Variants in MTR observed in about 807,000 individuals in gnomAD.
The protein encoded by MTR is 5-methyltetrahydrofolate-homocysteine methyltransferase.
A neutral mutation model predicts 154.8 loss-of-function variants in MTR; 84 were observed. The observed-to-expected ratio is 0.54, with a 90% confidence interval of 0.45 to 0.65. MTR has a LOEUF of 0.65. Ranked by LOEUF, MTR falls within the 30% of genes least tolerant of loss-of-function variation. MTR has a pLI of 0.00. For synonymous variants in MTR, 554 were observed against 553.9 expected (o/e 1.00, Z 0.00); for missense variants, 1,275 against 1,570.2 (o/e 0.81, Z 3.18).
chr1:236,820,607 T>G, intron 8 of MTR: 1 of 547,220 alleles, frequency 1.8e-6, no homozygotes, highest in Non-Finnish European at 3.2e-6. Context: ...AAAAAAAAGT[T>G]TCCGTAAACA....
rs1666738360 is a variant in MTR at position 236,897,625 on chromosome 1, T to C, written c.3779T>C (p.Leu1260Ser). 6.2e-7 allele frequency: 1 copy of C among 1,613,700 alleles called. No homozygotes were observed. Among genetic ancestry groups the C allele is most frequent in the Non-Finnish European group, 8.5e-7 (1 of 1,179,768 alleles). ...GTTGAGAAATGGCTTGGACCCATTTTGGGATATGATACAGACTAACTTTTT... is the reference window on the plus strand; with the variant it reads ...GTTGAGAAATGGCTTGGACCCATTTCGGGATATGATACAGACTAACTTTTT... ...AEVEKWLGPI[L>S]GYDTD The change falls in exon 33 of 33, where the codon TTG becomes TCG. Residue 1260 changes from leucine to serine, a missense_variant. By Grantham distance (145) the Leu-to-Ser change is moderately radical. Transcript: ENST00000366577.
At chr1:236,811,481 C>T (rs1661300009) in intron 5 of MTR, among the ~76,000 whole-genome samples, 1 of 152,170 alleles carries the variant, frequency 6.6e-6, no homozygotes, top group Admixed American at 6.5e-5. Flanking sequence ...GCTGAATAGT[C>T]ATGATACCAT....
At chr1:236,799,650 A>G (rs1416750077) in intron 1 of MTR, among the ~76,000 whole-genome samples, 1 of 152,200 alleles carries the variant, frequency 6.6e-6, no homozygotes, top group Non-Finnish European at 1.5e-5. Flanking sequence ...TGGAATGTAC[A>G]AGGAACTAAC....
intron 12 of MTR, among the ~76,000 whole-genome samples, chr1:236,829,884 T>C (rs1248760424): frequency 6.6e-6 from 1 of 152,222 alleles, no homozygotes; most frequent in East Asian, 1.9e-4. Flanking sequence ...AATTTCATAT[T>C]TTTGCTTCAG....
chr1:236,880,797 T>C lies in MTR; in HGVS notation c.2637T>C (p.Pro879=), dbSNP rs765951536. 6.2e-6 allele frequency: 10 copies of C among 1,614,224 alleles called. No individual in the cohort carries two copies. In the East Asian group the frequency reaches 1.3e-4, roughly 22 times the overall value. The change falls in exon 25 of 33, where the codon CCT becomes CCC. Residue 879 remains proline, a synonymous_variant. Coordinates refer to ENST00000366577, the MANE Select transcript of MTR (RefSeq NM_000254.3). ...AAATAGCTCCGAGATACAGTGCACC[T>C]GTAATCCATGTCCTGGACGCGTCCA... The part of the protein sequence containing the change: ...AVKIAPRYSA[P]VIHVLDASKS...
chr1:236,889,447 C>G (rs1382201167), intron 28 of MTR, 111 bp downstream of exon 28: 2 of 1,462,138 alleles, frequency 1.4e-6, no homozygotes, highest in East Asian at 2.3e-5. Flanking sequence ...CAGATTACGG[C>G]TGCTTTCATA....
At chr1:236,890,821 T>G (rs1420846673) in intron 28 of MTR, among the ~76,000 whole-genome samples, 1 of 152,234 alleles carries the variant, frequency 6.6e-6, no homozygotes, top group Admixed American at 6.5e-5. Context: ...TGTGGCCTGC[T>G]CTTTCTCATC....
intron 29 of MTR, among the ~76,000 whole-genome samples, chr1:236,893,918 T>A (rs571197353): frequency 6.6e-6 from 1 of 152,312 alleles, no homozygotes; most frequent in African/African-American, 2.4e-5. Flanking sequence ...CTGCTGCTGT[T>A]GATGGAGAGT....
chr1:236,807,841 T>C (rs1281789752), intron 3 of MTR, among the ~76,000 whole-genome samples: 4 of 152,190 alleles, frequency 2.6e-5, no homozygotes, highest in Non-Finnish European at 4.4e-5. Flanking sequence ...AGACAGTCTT[T>C]TGCAACTGCT....
chr1:236,864,616 A>G (rs1664730464), intron 22 of MTR, among the ~76,000 whole-genome samples: 1 of 152,214 alleles, frequency 6.6e-6, no homozygotes, highest in Non-Finnish European at 1.5e-5. Context: ...TAAAGAGATA[A>G]ATTTATTGAA....
chr1:236,893,551 G>A (rs902448985), intron 29 of MTR, among the ~76,000 whole-genome samples: 4 of 152,082 alleles, frequency 2.6e-5, no homozygotes, highest in African/African-American at 9.7e-5. Flanking sequence ...TGGTTGAGAG[G>A]GTTAAATAGT....
At chr1:236,897,310 G>GCGCGCGTGCACACACA in intron 32 of MTR, among the ~76,000 whole-genome samples, 192 bp downstream of exon 32, 1 of 128,614 alleles carries the variant, frequency 7.8e-6, no homozygotes, top group Admixed American at 7.6e-5. Context: ...CCACACACAC[G>GCGCGCGTGCACACACA]CACACACACA....
Position 236,899,482 on chromosome 1 carries a change from A to G in MTR, c.*1838A>G, listed in dbSNP as rs557550307. ...GGCTATTCATGTGGGAAAAAAAGAA[A>G]TTTTACTTTCTCTCACCTTACCTGG... On this transcript the variant is annotated 3_prime_UTR_variant, in exon 33 of 33. Transcript: ENST00000366577. 2 of 152,282 alleles carry G rather than the reference A, an allele frequency of 1.3e-5. No individual in the cohort carries two copies. The highest frequency in any genetic ancestry group is 3.9e-4 in the East Asian group (2 of 5,174). 9.4% of individuals were successfully genotyped at this position (152,282 alleles called of 1,614,324 possible).
chr1:236,869,999 A>ACC (rs2103348806), intron 22 of MTR, among the ~76,000 whole-genome samples: 1 of 152,204 alleles, frequency 6.6e-6, no homozygotes, highest in African/African-American at 2.4e-5. Context: ...TACTTGCCAC[A>ACC]CCATATTCTA....
chr1:236,885,826 A>G (rs531236496), intron 26 of MTR, among the ~76,000 whole-genome samples: 2 of 152,340 alleles, frequency 1.3e-5, no homozygotes, highest in South Asian at 2.1e-4. Flanking sequence ...AATGAGATCA[A>G]CAGCATGAGG....
intron 1 of MTR, among the ~76,000 whole-genome samples, chr1:236,801,103 G>T (rs551664400): frequency 1.3e-5 from 2 of 152,198 alleles, no homozygotes; most frequent in Admixed American, 6.5e-5. Context: ...TTGAAATGGC[G>T]CCCACTGCCT....
At chr1:236,883,040 G>A (rs1344965393) in intron 25 of MTR, among the ~76,000 whole-genome samples, 1 of 152,212 alleles carries the variant, frequency 6.6e-6, no homozygotes, top group African/African-American at 2.4e-5. Flanking sequence ...CCAAAAAGAT[G>A]TAGCAAATAC....
intron 26 of MTR, 113 bp from the exon 27 acceptor site, chr1:236,886,179 T>G: frequency 1.2e-6 from 1 of 835,248 alleles, no homozygotes; most frequent in Non-Finnish European, 2.0e-6. Context: ...TTCTCATGAA[T>G]AAGAGCATTT....
Position 236,838,480 on chromosome 1 carries a change from A to G in MTR, c.1396A>G (p.Lys466Glu), listed in dbSNP as rs757174271. The change falls in exon 15 of 33, where the codon AAG (lysine) becomes GAG (glutamate). Residue 466 changes from lysine (K) to glutamate (E), a missense_variant. Physicochemically the swap from Lys to Glu is moderately conservative, Grantham distance 56. Transcript: ENST00000366577. ...IEAGLKCCQG[K>E]CIVNSISLKE... The stretch of plus-strand genomic sequence containing the variant: ...AGCTGGGTTAAAGTGCTGCCAAGGG[A>G]AGTGCATTGTCAATAGCATTAGTCT... The G allele has an allele frequency of 6.2e-7, 1 of 1,614,020 alleles. No homozygotes were observed. Among genetic ancestry groups the G allele is most frequent in the African/African-American group, 1.3e-5 (1 of 74,902 alleles).
Sources: allele counts gnomAD v4.1 joint callset (sites outside exome capture counted in the v4.1 genomes callset), GRCh38; gene constraint gnomAD v4.1.1; transcripts MANE v1.5; gene names NCBI Gene and HGNC (gene_info 2026-07-23, HGNC 2026-07-21).